PTPRQ: variants seen among roughly 807,000 people sequenced by gnomAD.
PTPRQ encodes the protein phosphatidylinositol phosphatase PTPRQ.
Under a neutral mutation model 246.0 loss-of-function variants are expected in PTPRQ, and 199 were observed. The observed-to-expected ratio is 0.81, with a 90% CI of 0.72 to 0.91. PTPRQ has a LOEUF of 0.91. Ranked by LOEUF, PTPRQ falls within the 40% of genes least tolerant of loss-of-function variation. The probability of loss-of-function intolerance (pLI) is 0.00; values close to 1 mark genes in which losing one functional copy is unlikely to be tolerated. For missense variants in PTPRQ, 2,624 were observed against 2,528.4 expected (o/e 1.04, Z -0.81); for synonymous variants, 869 against 853.2 (o/e 1.02, Z -0.32).
chr12:80,572,998 A>G (rs1897187354), intron 25 of PTPRQ, among the ~76,000 whole-genome samples: 1 of 152,174 alleles, frequency 6.6e-6, no homozygotes, highest in South Asian at 2.1e-4. Flanking sequence ...TATTTACATC[A>G]AAGTTATACT....
At position 80,500,366 on chromosome 12, in the gene PTPRQ, T is replaced by C. The variant is rs182916678; in HGVS notation, c.2272+3835T>C. On this transcript the variant is annotated intron_variant, in intron 14 of 44. Transcript: ENST00000644991. ...ATTACTCTTCAAAATCAGTAAGTCATTGAGTCTGTCTTGCTTTATCTACCT... is the reference window on the plus strand; with the variant it reads ...ATTACTCTTCAAAATCAGTAAGTCACTGAGTCTGTCTTGCTTTATCTACCT... Among the ~76,000 whole-genome samples, 83 of 152,158 alleles carry C rather than the reference T, an allele frequency of 5.5e-4. No individual in the cohort carries two copies. The East Asian group carries it at 0.011, about 20-fold the overall frequency.
chr12:80,600,325 T>G (rs1898101360), intron 26 of PTPRQ, among the ~76,000 whole-genome samples: 1 of 151,706 alleles, frequency 6.6e-6, no homozygotes. Flanking sequence ...AAGGAATGAT[T>G]GCAGGGTTGA....
chr12:80,606,243 C>T (rs1898315761), intron 27 of PTPRQ, among the ~76,000 whole-genome samples: 1 of 150,922 alleles, frequency 6.6e-6, no homozygotes, highest in Non-Finnish European at 1.5e-5. Flanking sequence ...GAGAGAAATT[C>T]TGGATTTCCA....
At chr12:80,603,720 T>C (rs1281829518) in intron 26 of PTPRQ, among the ~76,000 whole-genome samples, 1 of 151,518 alleles carries the variant, frequency 6.6e-6, no homozygotes, top group Non-Finnish European at 1.5e-5. Context: ...GATCCTCCCC[T>C]TATCACAGAA....
intron 17 of PTPRQ, among the ~76,000 whole-genome samples, chr12:80,521,698 C>A (rs1430652986): frequency 1.3e-5 from 2 of 152,076 alleles, no homozygotes; most frequent in African/African-American, 4.8e-5. Flanking sequence ...TTTCTGAGGG[C>A]TCTGTTCTGT....
intron 8 of PTPRQ, among the ~76,000 whole-genome samples, chr12:80,475,378 G>T (rs1893777839): frequency 6.6e-6 from 1 of 151,856 alleles, no homozygotes; most frequent in South Asian, 2.1e-4. Context: ...AGATTTTTTT[G>T]GCCAAATGTC....
chr12:80,536,063 C>T (rs1369704844), intron 19 of PTPRQ, among the ~76,000 whole-genome samples: 1 of 152,110 alleles, frequency 6.6e-6, no homozygotes, highest in Non-Finnish European at 1.5e-5. Context: ...GCTGAGATCC[C>T]GCCACTGCAC....
intron 14 of PTPRQ, among the ~76,000 whole-genome samples, chr12:80,498,549 TG>T (rs1894699266): frequency 6.6e-6 from 1 of 152,114 alleles, no homozygotes; most frequent in African/African-American, 2.4e-5. Context: ...AGTGATGAGC[TG>T]GAATTAGAAT....
At chr12:80,535,563 C>G (rs531294962) in intron 19 of PTPRQ, among the ~76,000 whole-genome samples, 7 of 152,120 alleles carry the variant, frequency 4.6e-5, no homozygotes, top group African/African-American at 1.7e-4. Flanking sequence ...GAAGACCACT[C>G]GGAATGTGTT....
intron 38 of PTPRQ, among the ~76,000 whole-genome samples, chr12:80,655,512 C>G (rs978323523): frequency 6.6e-6 from 1 of 151,840 alleles, no homozygotes; most frequent in Non-Finnish European, 1.5e-5. Flanking sequence ...GGTTAGAAAC[C>G]AAGCCGTAAA....
intron 6 of PTPRQ, chr12:80,465,259 A>T (rs1893353063): frequency 6.6e-6 from 1 of 152,238 alleles, no homozygotes; most frequent in Non-Finnish European, 1.5e-5. Flanking sequence ...ATCTAGAAGA[A>T]ATGGATAAAT....
At chr12:80,612,158 T>G (rs1041865349) in intron 28 of PTPRQ, among the ~76,000 whole-genome samples, 5 of 150,430 alleles carry the variant, frequency 3.3e-5, no homozygotes, top group African/African-American at 9.7e-5. Flanking sequence ...AATTATGTTA[T>G]GCATCAAGAA....
At chr12:80,605,482 T>C (rs1448252462) in intron 27 of PTPRQ, among the ~76,000 whole-genome samples, 1 of 151,262 alleles carries the variant, frequency 6.6e-6, no homozygotes, top group Non-Finnish European at 1.5e-5. Flanking sequence ...AATGTGTATA[T>C]ATATGTATGT....
chr12:80,516,014 A>G (rs1422409397), intron 17 of PTPRQ, among the ~76,000 whole-genome samples: 1 of 151,620 alleles, frequency 6.6e-6, no homozygotes, highest in Non-Finnish European at 1.5e-5. Context: ...AAGATGGTAA[A>G]CTAGCATTTC....
intron 8 of PTPRQ, among the ~76,000 whole-genome samples, chr12:80,482,364 A>G (rs980842391): frequency 1.3e-5 from 2 of 152,104 alleles, no homozygotes; most frequent in African/African-American, 2.4e-5. Flanking sequence ...CACCTTATAC[A>G]AAAATTAATT....
Position 80,444,925 on chromosome 12 carries a change from T to C in PTPRQ, c.163+76T>C, listed in dbSNP as rs983973851. 2.5e-5 allele frequency: 34 copies of C among 1,386,760 alleles called. No homozygotes were observed. The South Asian group carries it at 2.5e-4, about 10-fold the overall frequency. 85.9% of individuals were successfully genotyped at this position (1,386,760 alleles called of 1,614,324 possible). On this transcript the variant is annotated intron_variant, in intron 2 of 44. Transcript: ENST00000644991. ...TAATTCTACTGGATGGAAATACTTA[T>C]ACTGGCAACATGTACATTAAATTCA...
At chr12:80,654,850 A>T (rs892484505) in intron 38 of PTPRQ, among the ~76,000 whole-genome samples, 3 of 151,904 alleles carry the variant, frequency 2.0e-5, no homozygotes, top group African/African-American at 7.2e-5. Context: ...ACAGAGCGAG[A>T]CTCTATCTCA....
intron 25 of PTPRQ, among the ~76,000 whole-genome samples, chr12:80,553,042 G>C (rs1472781265): frequency 6.6e-6 from 1 of 151,996 alleles, no homozygotes; most frequent in Non-Finnish European, 1.5e-5. Context: ...TTTACTCACA[G>C]TTCTAACAGA....
intron 16 of PTPRQ, among the ~76,000 whole-genome samples, chr12:80,507,843 T>A (rs7969547): frequency 0.32 from 48,700 of 151,896 alleles, 9,066 homozygotes; most frequent in African/African-American, 0.51. Flanking sequence ...AATGAGTCAA[T>A]GGTTAAAAAC....
Sources: allele counts gnomAD v4.1 joint callset (sites outside exome capture counted in the v4.1 genomes callset), GRCh38; gene constraint gnomAD v4.1.1; transcripts MANE v1.5; gene names NCBI Gene and HGNC (gene_info 2026-07-23, HGNC 2026-07-21).